Variants in GNE observed in about 807,000 individuals in gnomAD.
GNE encodes bifunctional UDP-N-acetylglucosamine 2-epimerase/N-acetylmannosamine kinase.
GNE carries 41 observed loss-of-function variants against 61.8 expected under a neutral mutation model. The ratio of observed to expected loss-of-function variants is 0.66; its 90% confidence interval spans 0.52 to 0.86. The LOEUF (loss-of-function observed/expected upper bound fraction) is 0.86. Among genes scored for constraint, GNE ranks in the 40% least tolerant of loss-of-function variants. The probability of loss-of-function intolerance (pLI) is 0.00; values close to 1 mark genes in which losing one functional copy is unlikely to be tolerated. For synonymous variants in GNE, 264 were observed against 326.4 expected (o/e 0.81, Z 2.06); for missense variants, 608 against 909.1 (o/e 0.67, Z 4.26).
chr9:36,232,548 C>T lies in GNE; in HGVS notation c.982+1372G>A, dbSNP rs116380406. Among the ~76,000 whole-genome samples the T allele has an allele frequency of 9.8e-3, 1,495 of 152,296 alleles. 24 individuals carry two copies. The highest frequency in any genetic ancestry group is 0.033 in the African/African-American group (1,368 of 41,546). On this transcript the variant is annotated intron_variant, in intron 5 of 11. Transcript: ENST00000642385. The stretch of plus-strand genomic sequence containing the variant: ...CAGCCACAATAGCGCTTCCATTTCT[C>T]AAATACACCAAGTTCACCTCCCGGC...
chr9:36,246,493 G>C lies in GNE; in HGVS notation c.165-11C>G. 1 of 1,596,610 alleles carries C rather than the reference G, an allele frequency of 6.3e-7. No homozygotes were observed. Among genetic ancestry groups the C allele is most frequent in the Non-Finnish European group, 8.6e-7 (1 of 1,166,008 alleles). On this transcript the variant is annotated splice_polypyrimidine_tract_variant and intron_variant, in intron 2 of 11. Transcript: ENST00000642385. ...ATTCGATATGTATTTCTAAAGCCGG[G>C]GAGAAATAAAGATATAAGAACATGT... is the stretch of plus-strand genomic sequence containing the variant.
intron 3 of GNE, among the ~76,000 whole-genome samples, chr9:36,243,679 C>CA (rs1385585145): frequency 1.3e-5 from 2 of 151,954 alleles, no homozygotes; most frequent in African/African-American, 2.4e-5. Context: ...CCCATCTCTA[C>CA]AAAAAAATTT....
intron 7 of GNE, 114 bp from the exon 8 acceptor site, chr9:36,223,616 CTTAG>C: frequency 3.7e-6 from 4 of 1,072,896 alleles, no homozygotes; most frequent in Non-Finnish European, 5.6e-6. Context: ...GCCCCGCAGT[CTTAG>C]ATGACTGCTT....
At chr9:36,268,887 T>C (rs1830908556) in intron 1 of GNE, among the ~76,000 whole-genome samples, 1 of 152,112 alleles carries the variant, frequency 6.6e-6, no homozygotes, top group Non-Finnish European at 1.5e-5. Context: ...CCCAGCACTT[T>C]GGGAGGCCAA....
chr9:36,225,437 C>G (rs1241940514), intron 7 of GNE, among the ~76,000 whole-genome samples: 1 of 152,122 alleles, frequency 6.6e-6, no homozygotes, highest in African/African-American at 2.4e-5. Flanking sequence ...GAGTTCAAGA[C>G]CAGCCTGGGC....
intron 1 of GNE, among the ~76,000 whole-genome samples, chr9:36,270,486 C>T (rs371968547): frequency 7.4e-4 from 112 of 151,070 alleles, no homozygotes; most frequent in Middle Eastern, 3.5e-3. Context: ...ATCCCAGCTA[C>T]TTGGGAGGCT....
At chr9:36,221,049 G>C (rs1414396680) in intron 9 of GNE, among the ~76,000 whole-genome samples, 3 of 152,212 alleles carry the variant, frequency 2.0e-5, no homozygotes, top group African/African-American at 7.2e-5. Context: ...GGCTGGGTGT[G>C]GTGGCTCACC....
At chr9:36,259,977 A>G (rs1237405013), upstream of GNE, among the ~76,000 whole-genome samples, 1 of 152,116 alleles carries the variant, frequency 6.6e-6, no homozygotes, top group African/African-American at 2.4e-5. Context: ...TTCTTTTTTA[A>G]ATCACACTGG....
rs144401949 is a variant in GNE at position 36,264,677 on chromosome 9, G to C, written c.51+12217C>G. On this transcript the variant is annotated intron_variant, in intron 1 of 11. Transcript: ENST00000396594. Reference sequence around the variant, plus strand: ...GGCCGACTAAGAATCCCTAGGCCTAGTTAGGAAGGTGACCGCATCCACCTT... The same window carrying C: ...GGCCGACTAAGAATCCCTAGGCCTACTTAGGAAGGTGACCGCATCCACCTT... 2.3e-3 allele frequency among the ~76,000 whole-genome samples: 345 copies of C among 152,020 alleles called. 2 individuals carry two copies. The highest frequency in any genetic ancestry group is 0.014 in the Middle Eastern group (4 of 294).
At chr9:36,241,377 A>G (rs1459660376) in intron 3 of GNE, among the ~76,000 whole-genome samples, 2 of 152,306 alleles carry the variant, frequency 1.3e-5, no homozygotes, top group East Asian at 3.9e-4. Context: ...GGCCTCCCAA[A>G]GTGCTGGGAT....
At chr9:36,275,962 C>T (rs1256644707) in intron 1 of GNE, among the ~76,000 whole-genome samples, 1 of 152,116 alleles carries the variant, frequency 6.6e-6, no homozygotes, top group Non-Finnish European at 1.5e-5. Flanking sequence ...CACTTGAGCC[C>T]AGGAGTTCGA....
intron 1 of GNE, among the ~76,000 whole-genome samples, chr9:36,264,453 A>T (rs1830703232): frequency 1.3e-5 from 2 of 152,046 alleles, no homozygotes; most frequent in African/African-American, 4.8e-5. Context: ...CTTTTTAAAA[A>T]AGATGCCCTG....
At position 36,218,218 on chromosome 9, in the gene GNE, A is replaced by T; in HGVS notation, c.1898T>A (p.Leu633His). ...GATGCTCTGGGCCTTCGCATTGCCA[A>T]GTTTCGCAGCTTGGATGAGATGGAG... ...GALHLIQAAK[L>H]GNAKAQSILR... The change falls in exon 11 of 12, where the codon CTT becomes CAT. Residue 633 changes from leucine (L) to histidine (H), a missense_variant. Physicochemically the swap from Leu to His is moderately conservative, Grantham distance 99. Coordinates refer to ENST00000642385, the MANE Select transcript of GNE (RefSeq NM_005476.7). The surrounding 1 kb of genome is among the most constrained non-coding windows in gnomAD (Gnocchi z 4.1). The T allele has an allele frequency of 6.2e-7, 1 of 1,614,052 alleles. No homozygotes were observed. The highest frequency in any genetic ancestry group is 8.5e-7 in the Non-Finnish European group (1 of 1,179,942).
At chr9:36,223,275 A>T in intron 8 of GNE, 98 bp downstream of exon 8, 1 of 1,160,416 alleles carries the variant, frequency 8.6e-7, no homozygotes, top group Non-Finnish European at 1.3e-6. Flanking sequence ...ATCTATGCAC[A>T]GGGCAGACAC....
At chr9:36,275,957 G>T (rs1414109037) in intron 1 of GNE, among the ~76,000 whole-genome samples, 1 of 152,124 alleles carries the variant, frequency 6.6e-6, no homozygotes, top group African/African-American at 2.4e-5. Context: ...AACATCACTT[G>T]AGCCCAGGAG....
chr9:36,253,011 AATTAGCC>A (rs1315398440), intron 1 of GNE, among the ~76,000 whole-genome samples: 1 of 152,116 alleles, frequency 6.6e-6, no homozygotes, highest in Non-Finnish European at 1.5e-5. Flanking sequence ...ATACAAAAAA[AATTAGCC>A]AGGTGTTGTG....
intron 1 of GNE, among the ~76,000 whole-genome samples, chr9:36,268,130 C>G (rs1342694964): frequency 1.3e-5 from 2 of 151,668 alleles, no homozygotes; most frequent in East Asian, 1.9e-4. Flanking sequence ...CAGAGTGAGA[C>G]CCCATCTCAA....
chr9:36,247,204 G>GT (rs1039003460), intron 2 of GNE, among the ~76,000 whole-genome samples: 2 of 152,004 alleles, frequency 1.3e-5, no homozygotes, highest in African/African-American at 4.8e-5. Flanking sequence ...CTACAGGCGT[G>GT]TGCCATCACG....
intron 6 of GNE, among the ~76,000 whole-genome samples, chr9:36,228,468 G>A (rs1248311261): frequency 6.6e-6 from 1 of 152,008 alleles, no homozygotes; most frequent in Admixed American, 6.6e-5. Flanking sequence ...TTAAATAAGT[G>A]TAGCAAAAGT....
Sources: gnomAD v4.1 joint callset for allele counts (sites outside exome capture counted in the v4.1 genomes callset) on GRCh38, gnomAD v4.1.1 for gene constraint, Gnocchi (gnomAD v3.1) non-coding constraint, MANE v1.5 for transcripts, NCBI Gene and HGNC (gene_info 2026-07-23, HGNC 2026-07-21) for gene names.